The following PDE3B variants were observed in gnomAD, a reference collection of about 807,000 sequenced individuals.
The protein encoded by PDE3B is phosphodiesterase 3B.
Under a neutral mutation model 116.8 loss-of-function variants are expected in PDE3B, and 66 were observed. The ratio of observed to expected loss-of-function variants is 0.56; its 90% CI spans 0.46 to 0.69. PDE3B has a LOEUF of 0.69. Among genes scored for constraint, PDE3B ranks in the 30% least tolerant of loss-of-function variants. The pLI, the probability that PDE3B is intolerant of heterozygous loss-of-function variation, is 0.00. For synonymous variants in PDE3B, 595 were observed against 533.6 expected (o/e 1.12, Z -1.59); for missense variants, 1,384 against 1,368.1 (o/e 1.01, Z -0.18).
At chr11:14,829,696 G>A (rs1859809558) in intron 7 of PDE3B, among the ~76,000 whole-genome samples, 1 of 152,078 alleles carries the variant, frequency 6.6e-6, no homozygotes, top group Non-Finnish European at 1.5e-5. Flanking sequence ...ACCTGATGGT[G>A]GAGGGTGGGA....
intron 3 of PDE3B, among the ~76,000 whole-genome samples, chr11:14,787,551 T>G (rs1858248525): frequency 6.6e-6 from 1 of 151,964 alleles, no homozygotes; most frequent in South Asian, 2.1e-4. Flanking sequence ...TTGTCAGCAT[T>G]AGGGTTTAGA....
In PDE3B at chr11:14,644,153, T is replaced by TTA. The variant is rs1487823522; in HGVS notation, c.78_79insTA (p.Leu27TyrfsTer2). The stretch of plus-strand genomic sequence containing the variant: ...ATGGGGCCGGCTCGCCCCCCGAGAG[T>TTA]CTGAGGAACGGCTACGTGAAGAGCT... On this transcript the variant is annotated frameshift_variant, in exon 1 of 16. Transcript: ENST00000282096. LOFTEE classifies it high-confidence loss of function. 8.2e-6 allele frequency: 13 copies of TTA among 1,587,042 alleles called. No homozygotes were observed. Among genetic ancestry groups the TTA allele is most frequent in the Non-Finnish European group, 1.1e-5 (13 of 1,174,944 alleles).
rs78339462 is a variant in PDE3B at position 14,733,021 on chromosome 11, A to C, written c.979-38916A>C. On this transcript the variant is annotated intron_variant, in intron 1 of 15. Coordinates refer to ENST00000282096, the MANE Select transcript of PDE3B (RefSeq NM_000922.4). Reference sequence around the variant, plus strand: ...ACACTTAAATTCCTAATACTTAAAAACGTATATGAAAAATTTATTTTCACA... The same window carrying C: ...ACACTTAAATTCCTAATACTTAAAACCGTATATGAAAAATTTATTTTCACA... Among the ~76,000 whole-genome samples the C allele has an allele frequency of 1.4e-3, 209 of 152,320 alleles. 1 individual carries two copies. Among genetic ancestry groups the C allele is most frequent in the African/African-American group, 4.8e-3 (201 of 41,570 alleles).
At chr11:14,655,260 A>C (rs927282315) in intron 1 of PDE3B, among the ~76,000 whole-genome samples, 2 of 152,184 alleles carry the variant, frequency 1.3e-5, no homozygotes, top group South Asian at 2.1e-4. Context: ...TAATTATAAA[A>C]GACTGAATTC....
chr11:14,705,325 G>A (rs1471872558), intron 1 of PDE3B, among the ~76,000 whole-genome samples: 1 of 151,806 alleles, frequency 6.6e-6, no homozygotes, highest in Admixed American at 6.6e-5. Context: ...AATGAACTAT[G>A]AACACACACA....
chr11:14,813,375 C>A (rs1161196210), intron 5 of PDE3B, among the ~76,000 whole-genome samples: 1 of 152,150 alleles, frequency 6.6e-6, no homozygotes, highest in Non-Finnish European at 1.5e-5. Context: ...AGCTTGCCTG[C>A]CTGGATTCCT....
intron 1 of PDE3B, among the ~76,000 whole-genome samples, chr11:14,677,930 C>CT (rs1441697773): frequency 6.6e-6 from 1 of 152,026 alleles, no homozygotes; most frequent in East Asian, 1.9e-4. Flanking sequence ...TTCATTCATC[C>CT]TTTTTATTTG....
At chr11:14,812,938 G>C (rs1188376468) in intron 5 of PDE3B, among the ~76,000 whole-genome samples, 2 of 152,080 alleles carry the variant, frequency 1.3e-5, no homozygotes, top group African/African-American at 4.8e-5. Context: ...CTTCATGAAT[G>C]GGATGAGTGC....
At position 14,821,716 on chromosome 11, in the gene PDE3B, G is replaced by T. The variant is rs147343757; in HGVS notation, c.1807+2507G>T. On this transcript the variant is annotated intron_variant, in intron 7 of 15. Transcript: ENST00000282096. ...CCAGATCATCATCTAATCAATTAAT[G>T]ATTGGTATATTCATTGTATTAAGTT... Among the ~76,000 whole-genome samples the T allele has an allele frequency of 1.8e-3, 267 of 152,020 alleles. 4 individuals carry two copies. The highest frequency in any genetic ancestry group is 2.4e-3 in the Non-Finnish European group (161 of 67,970).
At chr11:14,893,802 G>A in the PDE3B span, among the ~76,000 whole-genome samples, 1 of 152,064 alleles carries the variant, frequency 6.6e-6, no homozygotes, top group Non-Finnish European at 1.5e-5. Context: ...AATTCCATCT[G>A]CAACCTTAAT....
rs955553260 is a variant in PDE3B at position 14,673,167 on chromosome 11, TA to T, written c.978+28125del. Reference sequence around the variant, plus strand: ...GATGGGCTCTTTACTTTAAGCACCATAAAAAAAAAAAGCACAAATGGATGAG... The same window carrying T: ...GATGGGCTCTTTACTTTAAGCACCATAAAAAAAAAAGCACAAATGGATGAG... On this transcript the variant is annotated intron_variant, in intron 1 of 15. Transcript: ENST00000282096. 2.3e-3 allele frequency among the ~76,000 whole-genome samples: 317 copies of T among 139,628 alleles called. 2 individuals carry two copies. Among genetic ancestry groups the T allele is most frequent in the African/African-American group, 5.8e-3 (221 of 38,214 alleles). The allele number at this position is 139,628 out of a possible 152,430, so 91.6% of individuals were successfully genotyped here. A position where few individuals can be genotyped will look rare whatever the true frequency, so the allele number is the denominator to read the frequency against.
chr11:14,781,745 C>T (rs1217103435), intron 2 of PDE3B, among the ~76,000 whole-genome samples: 1 of 152,056 alleles, frequency 6.6e-6, no homozygotes, highest in Non-Finnish European at 1.5e-5. Context: ...CTTTGAAAAA[C>T]AGCACAAGAC....
the PDE3B span, chr11:14,880,665 T>C: frequency 6.3e-7 from 1 of 1,597,484 alleles, no homozygotes; most frequent in Non-Finnish European, 8.5e-7. Flanking sequence ...CTTCCAAGAT[T>C]TTAGATTCAA....
intron 7 of PDE3B, among the ~76,000 whole-genome samples, chr11:14,821,596 T>C (rs1393724811): frequency 3.3e-5 from 5 of 152,174 alleles, no homozygotes. Flanking sequence ...AGTTATTGCC[T>C]TACCTTACCA....
At chr11:14,845,803 GAAAC>G (rs886943733) in intron 12 of PDE3B, among the ~76,000 whole-genome samples, 7 of 152,266 alleles carry the variant, frequency 4.6e-5, no homozygotes, top group African/African-American at 1.2e-4. Flanking sequence ...AGAATAAAAA[GAAAC>G]AAACAAAGCC....
intron 1 of PDE3B, chr11:14,699,241 A>G (rs1297549388): frequency 1.3e-5 from 2 of 151,820 alleles, no homozygotes; most frequent in South Asian, 2.1e-4. Flanking sequence ...CTTTGATGTT[A>G]AGATATTTCC....
At chr11:14,655,437 A>T (rs529916261) in intron 1 of PDE3B, among the ~76,000 whole-genome samples, 1 of 152,316 alleles carries the variant, frequency 6.6e-6, no homozygotes, top group African/African-American at 2.4e-5. Context: ...CATTCCTATC[A>T]CATTAATATA....
chr11:14,688,315 A>G (rs1200470698), intron 1 of PDE3B, among the ~76,000 whole-genome samples: 1 of 152,142 alleles, frequency 6.6e-6, no homozygotes, highest in African/African-American at 2.4e-5. Flanking sequence ...AGAACATCAG[A>G]GTTGCATGTT....
chr11:14,723,449 C>T (rs1165398942), intron 1 of PDE3B, among the ~76,000 whole-genome samples: 2 of 152,210 alleles, frequency 1.3e-5, no homozygotes, highest in Admixed American at 6.5e-5. Context: ...GTTCTGAGAT[C>T]CTTTAATAAA....
Sources: gnomAD v4.1 joint callset for allele counts (sites outside exome capture counted in the v4.1 genomes callset) on GRCh38, gnomAD v4.1.1 for gene constraint, MANE v1.5 for transcripts, NCBI Gene and HGNC (gene_info 2026-07-23, HGNC 2026-07-21) for gene names.